Variants in RHOBTB3 observed in about 807,000 individuals in gnomAD.
RHOBTB3 encodes the protein rho-related BTB domain-containing protein 3.
In RHOBTB3, 47 loss-of-function variants were observed where a neutral mutation model predicts 67.2. The observed-to-expected ratio is 0.70, with a 90% CI of 0.55 to 0.89. RHOBTB3 has a LOEUF of 0.89. Among genes scored for constraint, RHOBTB3 ranks in the 40% least tolerant of loss-of-function variants. The pLI is 0.00. For synonymous variants in RHOBTB3, 273 were observed against 274.2 expected, an observed-to-expected ratio of 1.00 and a Z score of 0.04; for missense variants, 631 against 750.0, an observed-to-expected ratio of 0.84 and a Z score of 1.85.
chr5:95,766,612 A>AAAG (rs1554068167), intron 7 of RHOBTB3, among the ~76,000 whole-genome samples: 4 of 151,534 alleles, frequency 2.6e-5, no homozygotes, highest in African/African-American at 9.7e-5. Flanking sequence ...AAAAAAAAAA[A>AAAG]AGAGAAAGAA....
At chr5:95,788,561 C>T (rs1473811475) in intron 10 of RHOBTB3, among the ~76,000 whole-genome samples, 5 of 152,140 alleles carry the variant, frequency 3.3e-5, no homozygotes, top group South Asian at 4.1e-4. Flanking sequence ...TGGCTTCTTC[C>T]GAGAATGTAC....
intron 3 of RHOBTB3, among the ~76,000 whole-genome samples, chr5:95,744,486 G>A (rs1167099057): frequency 6.6e-6 from 1 of 151,956 alleles, no homozygotes; most frequent in Non-Finnish European, 1.5e-5. Flanking sequence ...TATATCCCTG[G>A]CACTTGATGT....
chr5:95,725,889 T>C (rs1386348450), upstream of RHOBTB3, among the ~76,000 whole-genome samples: 1 of 152,058 alleles, frequency 6.6e-6, no homozygotes, highest in East Asian at 1.9e-4. Context: ...TAAAACACAG[T>C]TTTTATTTTT....
chr5:95,748,065 A>G (rs966778858), intron 3 of RHOBTB3, among the ~76,000 whole-genome samples: 12 of 152,194 alleles, frequency 7.9e-5, no homozygotes, highest in African/African-American at 2.9e-4. Flanking sequence ...CAGGCCCACG[A>G]GTACTGGTTG....
intron 6 of RHOBTB3, chr5:95,756,150 G>A (rs1001938671): frequency 1.9e-5 from 3 of 162,032 alleles, no homozygotes; most frequent in South Asian, 3.5e-4. Context: ...CCCATTAAAC[G>A]ATGATTCCCC....
At chr5:95,771,078 G>A (rs914682960) in intron 8 of RHOBTB3, among the ~76,000 whole-genome samples, 8 of 152,212 alleles carry the variant, frequency 5.3e-5, no homozygotes, top group African/African-American at 1.4e-4. Context: ...CAGATGAGAA[G>A]TTAAGAAGCA....
chr5:95,728,344 T>G (rs1755119948), upstream of RHOBTB3, among the ~76,000 whole-genome samples: 3 of 152,204 alleles, frequency 2.0e-5, no homozygotes, highest in African/African-American at 7.2e-5. Flanking sequence ...ATCTTCCATT[T>G]CTTTATACCT....
At chr5:95,738,254 T>C (rs189121745) in intron 3 of RHOBTB3, among the ~76,000 whole-genome samples, 3 of 152,300 alleles carry the variant, frequency 2.0e-5, no homozygotes, top group Admixed American at 2.0e-4. Context: ...TCTACTTCCC[T>C]ATCTTTCTTT....
intron 11 of RHOBTB3, among the ~76,000 whole-genome samples, chr5:95,789,852 G>A (rs528371655): frequency 6.6e-6 from 1 of 152,322 alleles, no homozygotes; most frequent in East Asian, 1.9e-4. Flanking sequence ...GCTGGTAAAA[G>A]ATATAAAAAT....
At position 95,765,039 on chromosome 5, in the gene RHOBTB3, T is replaced by G. The variant is rs560332197; in HGVS notation, c.1161+1419T>G. Among the ~76,000 whole-genome samples, 5 of 152,312 alleles carry G rather than the reference T, an allele frequency of 3.3e-5. No homozygotes were observed. The South Asian group carries it at 8.3e-4, about 25-fold the overall frequency. ...TTCAAAACAGTTCATCTAGTTGTCT[T>G]GATTAACTTGTTTACGGACCAGTGA... On this transcript the variant is annotated intron_variant, in intron 7 of 11. Coordinates refer to ENST00000379982, the MANE Select transcript of RHOBTB3 (RefSeq NM_014899.4).
At chr5:95,767,709 G>T in intron 7 of RHOBTB3, 1 of 635,414 alleles carries the variant, frequency 1.6e-6, no homozygotes, top group Non-Finnish European at 2.9e-6. Context: ...ACATATTTTA[G>T]TAGGCATTTG....
In RHOBTB3 at chr5:95,793,074, T is replaced by G; in HGVS notation, c.1736T>G (p.Phe579Cys). 1.2e-6 allele frequency: 2 copies of G among 1,612,812 alleles called. No homozygotes were observed. The highest frequency in any genetic ancestry group is 1.7e-6 in the Non-Finnish European group (2 of 1,179,496). ...AAAACTTCAGTGGAAGAACGCAGTT[T>G]TGTTGAAAAGCACAGATGGCCGTCG... is the stretch of plus-strand genomic sequence containing the variant. Reference protein sequence around the residue: ...FQDLSVEERSFVEKHRWPSNM... With the variant: ...FQDLSVEERSCVEKHRWPSNM... The change falls in exon 12 of 12, where the codon TTT becomes TGT. Residue 579 changes from phenylalanine to cysteine, a missense_variant. By Grantham distance (205) the Phe-to-Cys change is radical. Transcript: ENST00000379982.
chr5:95,794,129 C>T lies in RHOBTB3; in HGVS notation c.*955C>T, dbSNP rs558399628. On this transcript the variant is annotated 3_prime_UTR_variant, in exon 12 of 12. Transcript: ENST00000379982. ...GGACCACCCAGGGCCTCCACTGCCA[C>T]CTTGGCTGGCAAGGGAGAAATGTGT... is the stretch of plus-strand genomic sequence containing the variant. The T allele has an allele frequency of 4.7e-6, 2 of 427,534 alleles. No homozygotes were observed. Among genetic ancestry groups the T allele is most frequent in the East Asian group, 1.4e-4 (2 of 14,198 alleles). 26.5% of individuals were successfully genotyped at this position (427,534 alleles called of 1,614,324 possible).
intron 1 of RHOBTB3, among the ~76,000 whole-genome samples, chr5:95,724,050 A>G (rs1361923522): frequency 6.6e-6 from 1 of 152,244 alleles, no homozygotes; most frequent in Non-Finnish European, 1.5e-5. Context: ...CGATACATAC[A>G]TTATGAAATT....
upstream of RHOBTB3, among the ~76,000 whole-genome samples, chr5:95,729,851 T>C (rs1252630004): frequency 6.6e-6 from 1 of 152,236 alleles, no homozygotes; most frequent in Non-Finnish European, 1.5e-5. Flanking sequence ...AGGAATTTTC[T>C]TCTTTTTTAA....
At chr5:95,770,646 T>C (rs1745680877) in intron 8 of RHOBTB3, 5 of 496,920 alleles carry the variant, frequency 1.0e-5, no homozygotes, top group Non-Finnish European at 2.0e-5. Flanking sequence ...CAGAAATTCC[T>C]AAAGAAGAGA....
intron 3 of RHOBTB3, among the ~76,000 whole-genome samples, chr5:95,745,097 A>T (rs538892140): frequency 7.2e-5 from 11 of 152,018 alleles, no homozygotes; most frequent in Non-Finnish European, 1.5e-4. Flanking sequence ...AATACATAAA[A>T]ATTTAAAAAA....
At chr5:95,735,433 GCT>G (rs1755431260) in intron 2 of RHOBTB3, among the ~76,000 whole-genome samples, 1 of 152,068 alleles carries the variant, frequency 6.6e-6, no homozygotes. Context: ...ATGAGAAGAA[GCT>G]CTCTCTTCAG....
At chr5:95,769,385 C>A in intron 8 of RHOBTB3, 1 of 375,916 alleles carries the variant, frequency 2.7e-6, no homozygotes, top group South Asian at 2.5e-5. Flanking sequence ...AGAAAGTCTT[C>A]GAGAAGATTA....
Sources: allele counts gnomAD v4.1 joint callset (sites outside exome capture counted in the v4.1 genomes callset), GRCh38; gene constraint gnomAD v4.1.1; transcripts MANE v1.5; gene names NCBI Gene and HGNC (gene_info 2026-07-23, HGNC 2026-07-21).